The following PRPF8 variants were observed in gnomAD, a reference collection of about 807,000 sequenced individuals.
The protein encoded by PRPF8 is pre-mRNA-processing-splicing factor 8.
Under a neutral mutation model 285.9 loss-of-function variants are expected in PRPF8, and 64 were observed. That is an observed-to-expected ratio of 0.22 (90% confidence interval 0.18 to 0.28). The LOEUF is 0.28. Ranked by LOEUF, PRPF8 falls within the 10% of genes least tolerant of loss-of-function variation. PRPF8 has a pLI of 1.00. For synonymous variants in PRPF8, 1,325 were observed against 1,118.2 expected, an observed-to-expected ratio of 1.18 and a Z score of -3.69; for missense variants, 1,426 against 3,026.7, an observed-to-expected ratio of 0.47 and a Z score of 12.41.
Position 1,659,006 on chromosome 17 carries a change from GATTA to G in PRPF8, c.5139-247_5139-244del. 1.7e-6 allele frequency: 1 copy of G among 597,424 alleles called. No individual in the cohort carries two copies. Among genetic ancestry groups the G allele is most frequent in the Non-Finnish European group, 2.9e-6 (1 of 339,370 alleles). 37.0% of individuals were successfully genotyped at this position (597,424 alleles called of 1,614,324 possible). A position where few individuals can be genotyped will look rare whatever the true frequency, so the allele number is the denominator to read the frequency against. On this transcript the variant is annotated intron_variant, in intron 32 of 42. Transcript: ENST00000304992. This position sits in a 1 kb window ranked among gnomAD's most constrained non-coding sequence, Gnocchi z 5.1. ...GTATGGAGCTAATGGAAAATACACG[GATTA>G]TTTATTTATTTATTATTATTATTAT...
chr17:1,671,472 T>A (rs1344700111), intron 24 of PRPF8, among the ~76,000 whole-genome samples: 2 of 152,098 alleles, frequency 1.3e-5, no homozygotes, highest in African/African-American at 4.8e-5. Context: ...TAATCCAGCA[T>A]TAGAGAGGCT....
In PRPF8 at chr17:1,658,463, G is replaced by A; in HGVS notation, c.5376+63C>T. The A allele has an allele frequency of 6.2e-7, 1 of 1,613,632 alleles. No individual in the cohort carries two copies. ...TCTTCCCAGCATGTGTACACACTTA[G>A]CCCATTACTCTCCCACAGCCATGTA... is the stretch of plus-strand genomic sequence containing the variant. On this transcript the variant is annotated intron_variant, in intron 33 of 42. Transcript: ENST00000304992. This position sits in a 1 kb window ranked among gnomAD's most constrained non-coding sequence, Gnocchi z 4.1.
chr17:1,653,326 C>G lies in PRPF8; in HGVS notation c.6369+216G>C. ...ATATCTGTTCTCTTCCAAATACTAT[C>G]AGGCCAATACTACAATTACTACCTT... is the stretch of plus-strand genomic sequence containing the variant. On this transcript the variant is annotated intron_variant, in intron 39 of 42. Transcript: ENST00000304992. This position sits in a 1 kb window ranked among gnomAD's most constrained non-coding sequence, Gnocchi z 4.9. 1.5e-6 allele frequency: 1 copy of G among 655,110 alleles called. No homozygotes were observed. The highest frequency in any genetic ancestry group is 1.8e-5 in the South Asian group (1 of 55,868). The allele number at this position is 655,110 out of a possible 1,614,324, so 40.6% of individuals were successfully genotyped here. A position where few individuals can be genotyped will look rare whatever the true frequency, so the allele number is the denominator to read the frequency against.
At chr17:1,665,294 C>G (rs958845385) in intron 24 of PRPF8, among the ~76,000 whole-genome samples, 1 of 151,696 alleles carries the variant, frequency 6.6e-6, no homozygotes, top group African/African-American at 2.4e-5. Flanking sequence ...AATCCCAGCA[C>G]TTTGGGAGGC....
Position 1,675,403 on chromosome 17 carries a change from G to T in PRPF8, c.2873-64C>A, listed in dbSNP as rs1912557967. On this transcript the variant is annotated intron_variant, in intron 19 of 42. Transcript: ENST00000304992. The surrounding 1 kb of genome is among the most constrained non-coding windows in gnomAD (Gnocchi z 6.0). ...TCCTCTTGCAAGACTAGCCCCACAG[G>T]AACTATCATTACCTTCCATAACCAA... is the stretch of plus-strand genomic sequence containing the variant. 5.7e-6 allele frequency: 9 copies of T among 1,571,868 alleles called. No homozygotes were observed. Among genetic ancestry groups the T allele is most frequent in the Non-Finnish European group, 7.9e-6 (9 of 1,143,638 alleles).
At position 1,651,146 on chromosome 17, in the gene PRPF8, A is replaced by T. The variant is rs1435080515; in HGVS notation, c.6815T>A (p.Met2272Lys). Residue 2272 changes from methionine (M) to lysine (K), a missense_variant, in exon 42 of 43, where the codon ATG becomes AAG. This residue lies in a region of PRPF8 where 160 missense variants were observed against 373.7 expected (regional missense o/e 0.43). Transcript: ENST00000304992. This position sits in a 1 kb window ranked among gnomAD's most constrained non-coding sequence, Gnocchi z 5.1. Reference protein sequence around the residue: ...LLSDRFLGFFMVPAQSSWNYN... With the variant: ...LLSDRFLGFFKVPAQSSWNYN... ...GTTCCACGAGGACTGGGCAGGGACC[A>T]TGAAGAAGCCAAGGAAACGGTCCGA... is the stretch of plus-strand genomic sequence containing the variant. 6.2e-7 allele frequency: 1 copy of T among 1,614,068 alleles called. No homozygotes were observed. Among genetic ancestry groups the T allele is most frequent in the Non-Finnish European group, 8.5e-7 (1 of 1,180,048 alleles).
At position 1,673,555 on chromosome 17, in the gene PRPF8, T is replaced by C; in HGVS notation, c.3459A>G (p.Val1153=). 2 of 1,614,110 alleles carry C rather than the reference T, an allele frequency of 1.2e-6. No individual in the cohort carries two copies. Among genetic ancestry groups the C allele is most frequent in the Non-Finnish European group, 1.7e-6 (2 of 1,180,022 alleles). The change falls in exon 23 of 43, where the codon GTA becomes GTG. Residue 1153 remains valine, a synonymous_variant. Transcript: ENST00000304992. This position sits in a 1 kb window ranked among gnomAD's most constrained non-coding sequence, Gnocchi z 5.5. ...MKHDVNLGRA[V]FWDIKNRLPR... ...GCAAGCGGTTCTTGATGTCCCAGAA[T>C]ACCGCCCGGCCTCTGCCCACAGAGA...
chr17:1,681,061 TACA>T lies in PRPF8; in HGVS notation c.867-10_867-8del. The T allele has an allele frequency of 2.5e-6, 4 of 1,612,588 alleles. No individual in the cohort carries two copies. Among genetic ancestry groups the T allele is most frequent in the Non-Finnish European group, 2.5e-6 (3 of 1,178,994 alleles). ...TTCATTCCAGTCTTCATCCCTAGGG[TACA>T]ACATCAAGAATAAGCAGACTTTTTT... On this transcript the variant is annotated splice_region_variant and splice_polypyrimidine_tract_variant and intron_variant, in intron 6 of 42. Coordinates refer to ENST00000304992, the MANE Select transcript of PRPF8 (RefSeq NM_006445.4).
At chr17:1,682,423 A>C in intron 3 of PRPF8, 130 bp from the exon 4 acceptor site, 1 of 1,181,150 alleles carries the variant, frequency 8.5e-7, no homozygotes, top group Non-Finnish European at 1.2e-6. Flanking sequence ...CTTAGCCCAC[A>C]GGCCCTTCCT....
rs1305379945 is a variant in PRPF8 at position 1,679,809 on chromosome 17, G to T, written c.1099-10C>A. 1.2e-6 allele frequency: 2 copies of T among 1,614,064 alleles called. No homozygotes were observed. Among genetic ancestry groups the T allele is most frequent in the African/African-American group, 2.7e-5 (2 of 74,916 alleles). ...GCAATGGTTCCTGGCTCTGAAAAAG[G>T]AATCCCTCTAAGGGTTTAGCTCCTG... On this transcript the variant is annotated splice_polypyrimidine_tract_variant and intron_variant, in intron 8 of 42. Transcript: ENST00000304992. The surrounding 1 kb of genome is among the most constrained non-coding windows in gnomAD (Gnocchi z 4.7).
intron 2 of PRPF8, among the ~76,000 whole-genome samples, 168 bp from the exon 3 acceptor site, chr17:1,683,869 C>T (rs980325961): frequency 6.6e-6 from 1 of 151,662 alleles, no homozygotes; most frequent in African/African-American, 2.4e-5. Flanking sequence ...TTCCTTTCAT[C>T]ACATTGATCA....
At chr17:1,665,683 AAC>A (rs1295290651) in intron 24 of PRPF8, among the ~76,000 whole-genome samples, 2 of 151,796 alleles carry the variant, frequency 1.3e-5, no homozygotes, top group African/African-American at 4.8e-5. Context: ...CTCTACTAAA[AAC>A]ACACAAAAAA....
At chr17:1,655,616 G>A (rs1911329761) in intron 36 of PRPF8, 73 bp from the exon 37 acceptor site, 12 of 1,368,136 alleles carry the variant, frequency 8.8e-6, no homozygotes, top group Non-Finnish European at 1.3e-5. Context: ...AACCTTTCAT[G>A]AAACCCAAGA....
In PRPF8 at chr17:1,651,853, C is replaced by A; in HGVS notation, c.6370-65G>T. The A allele has an allele frequency of 6.4e-7, 1 of 1,567,170 alleles. No homozygotes were observed. The highest frequency in any genetic ancestry group is 8.8e-7 in the Non-Finnish European group (1 of 1,139,998). ...ACCAGGTCAGAGTTGGAGCTGCCAG[C>A]CCTCTGTTTCCTTCCTTCCCCCAAG... is the stretch of plus-strand genomic sequence containing the variant. On this transcript the variant is annotated intron_variant, in intron 39 of 42. Coordinates refer to ENST00000304992, the MANE Select transcript of PRPF8 (RefSeq NM_006445.4). This position sits in a 1 kb window ranked among gnomAD's most constrained non-coding sequence, Gnocchi z 5.1.
chr17:1,660,124 T>A, intron 30 of PRPF8, 123 bp from the exon 31 acceptor site: 1 of 1,235,084 alleles, frequency 8.1e-7, no homozygotes, highest in South Asian at 1.2e-5. Context: ...GGATTTCCCA[T>A]ATGCAAAAGA....
chr17:1,678,196 T>G lies in PRPF8; in HGVS notation c.1854+322A>C, dbSNP rs527275062. On this transcript the variant is annotated intron_variant, in intron 13 of 42. Transcript: ENST00000304992. The stretch of plus-strand genomic sequence containing the variant: ...CAGGCATGGTGGTGCGCGCCTGTAG[T>G]CCCAGCTACTTGGGAGGCTGAAGCA... Among the ~76,000 whole-genome samples, 8 of 152,252 alleles carry G rather than the reference T, an allele frequency of 5.3e-5. No homozygotes were observed. In the East Asian group the frequency reaches 1.4e-3, roughly 26 times the overall value.
chr17:1,659,832 G>A lies in PRPF8; in HGVS notation c.4946+9C>T, dbSNP rs1451991728. The stretch of plus-strand genomic sequence containing the variant: ...CTGGCTGCCTAGGGCTGGGTCCTGA[G>A]GCACTTACTTGGAGTCAGCCAGCAA... On this transcript the variant is annotated intron_variant, in intron 31 of 42. Coordinates refer to ENST00000304992, the MANE Select transcript of PRPF8 (RefSeq NM_006445.4). This position sits in a 1 kb window ranked among gnomAD's most constrained non-coding sequence, Gnocchi z 5.1. 1 of 1,613,898 alleles carries A rather than the reference G, an allele frequency of 6.2e-7. No individual in the cohort carries two copies. Among genetic ancestry groups the A allele is most frequent in the Non-Finnish European group, 8.5e-7 (1 of 1,179,934 alleles).
In PRPF8 at chr17:1,679,676, G is replaced by A. The variant is rs368954577; in HGVS notation, c.1222C>T (p.Pro408Ser). ...TANGIALLWA[P>S]RPFNLRSGRT... ...CCAGAGCGTAGGTTGAAGGGCCGCG[G>A]GGCCCAGAGCAGGGCAATGCCATTG... Residue 408 changes from proline to serine, a missense_variant, in exon 9 of 43, where the codon CCG (proline) becomes TCG (serine). Transcript: ENST00000304992. This position sits in a 1 kb window ranked among gnomAD's most constrained non-coding sequence, Gnocchi z 4.7. 2 of 1,614,172 alleles carry A rather than the reference G, an allele frequency of 1.2e-6. No individual in the cohort carries two copies. Among genetic ancestry groups the A allele is most frequent in the Non-Finnish European group, 8.5e-7 (1 of 1,180,028 alleles).
intron 36 of PRPF8, 134 bp downstream of exon 36, chr17:1,656,258 C>G (rs558138890): frequency 1.7e-6 from 2 of 1,185,054 alleles, no homozygotes; most frequent in East Asian, 4.7e-5. Context: ...GTCTTAAACT[C>G]TCATGAAAGT....
Sources: gnomAD v4.1 joint callset for allele counts (sites outside exome capture counted in the v4.1 genomes callset) on GRCh38, gnomAD v4.1.1 for gene constraint, gnomAD v4.1.1 regional missense constraint, Gnocchi (gnomAD v3.1) non-coding constraint, MANE v1.5 for transcripts, NCBI Gene and HGNC (gene_info 2026-07-23, HGNC 2026-07-21) for gene names.